The following FER variants were observed in gnomAD, a reference collection of about 807,000 sequenced individuals.
FER encodes tyrosine-protein kinase Fer.
In FER, 63 loss-of-function variants were observed where a neutral mutation model predicts 111.0. That is an observed-to-expected ratio of 0.57 (90% CI 0.46 to 0.70). FER has a LOEUF of 0.70. FER is among the 30% of genes least tolerant of loss of function. The pLI, the probability that FER is intolerant of heterozygous loss-of-function variation, is 0.00. For synonymous variants in FER, 327 were observed against 313.9 expected (o/e 1.04, Z -0.44); for missense variants, 914 against 954.0 (o/e 0.96, Z 0.55).
At chr5:108,797,756 G>A (rs536735930) in intron 2 of FER, among the ~76,000 whole-genome samples, 1 of 152,174 alleles carries the variant, frequency 6.6e-6, no homozygotes, top group Non-Finnish European at 1.5e-5. Context: ...TTTCCTGCTG[G>A]CAGGGGGCAG....
chr5:109,112,626 G>T (rs1222979349), intron 17 of FER, among the ~76,000 whole-genome samples: 3 of 152,080 alleles, frequency 2.0e-5, no homozygotes, highest in African/African-American at 7.2e-5. Context: ...TTACTTGGAA[G>T]AAAAATACTG....
chr5:109,158,246 G>A (rs992581166), intron 17 of FER, among the ~76,000 whole-genome samples: 5 of 151,846 alleles, frequency 3.3e-5, no homozygotes, highest in Admixed American at 2.0e-4. Context: ...AGCCGGGCTT[G>A]GTGGCACATG....
chr5:109,011,555 C>G (rs1255325219), intron 13 of FER, among the ~76,000 whole-genome samples: 1 of 152,152 alleles, frequency 6.6e-6, no homozygotes, highest in African/African-American at 2.4e-5. Flanking sequence ...AATGAGCTAG[C>G]CTCTTTGAGT....
chr5:109,002,358 A>T (rs1409229744), intron 13 of FER, among the ~76,000 whole-genome samples: 20 of 151,534 alleles, frequency 1.3e-4, no homozygotes, highest in Non-Finnish European at 2.8e-4. Context: ...ACCTGAGAAA[A>T]ACAAGCAATG....
At chr5:108,873,733 C>A (rs1274534460) in intron 8 of FER, among the ~76,000 whole-genome samples, 1 of 152,134 alleles carries the variant, frequency 6.6e-6, no homozygotes, top group Non-Finnish European at 1.5e-5. Context: ...GTAGTCCTTG[C>A]CCTGGGTGAT....
At chr5:108,975,116 G>A (rs1187973567) in intron 13 of FER, among the ~76,000 whole-genome samples, 6 of 152,124 alleles carry the variant, frequency 3.9e-5, no homozygotes, top group Non-Finnish European at 8.8e-5. Context: ...CATGGATGAA[G>A]CTGGAAACCA....
At chr5:108,798,473 T>C (rs1756290214) in intron 3 of FER, 84 bp downstream of exon 3, 1 of 1,014,194 alleles carries the variant, frequency 9.9e-7, no homozygotes, top group Non-Finnish European at 1.5e-6. Context: ...TGAATGAGCA[T>C]ACTTAAGTCA....
At position 109,087,018 on chromosome 5, in the gene FER, C is replaced by A. The variant is rs183069365; in HGVS notation, c.1925-13378C>A. ...ACTAGATTAGGGCTTACCCTGGGGA[C>A]TTCATTTTACCTGAATTCTCTCTTT... On this transcript the variant is annotated intron_variant, in intron 16 of 19. Coordinates refer to ENST00000281092, the MANE Select transcript of FER (RefSeq NM_005246.4). Among the ~76,000 whole-genome samples the A allele has an allele frequency of 6.7e-5, 10 of 148,430 alleles. No individual in the cohort carries two copies. In the Admixed American group the frequency reaches 6.8e-4, roughly 10 times the overall value.
At chr5:108,854,946 C>CAAAAAA (rs34850507) in intron 5 of FER, among the ~76,000 whole-genome samples, 1 of 36,644 alleles carries the variant, frequency 2.7e-5, no homozygotes, top group African/African-American at 9.4e-5. Flanking sequence ...GACCCTGTCT[C>CAAAAAA]AAAAAAAAAA....
intron 9 of FER, among the ~76,000 whole-genome samples, chr5:108,887,508 C>T (rs1031207414): frequency 1.1e-4 from 16 of 151,242 alleles, no homozygotes; most frequent in African/African-American, 3.2e-4. Flanking sequence ...ATGTAGCTAT[C>T]GCAGAATTTT....
At chr5:109,054,170 C>T (rs1169179837) in intron 16 of FER, among the ~76,000 whole-genome samples, 2 of 152,118 alleles carry the variant, frequency 1.3e-5, no homozygotes, top group African/African-American at 4.8e-5. Flanking sequence ...ATGAATCGAT[C>T]ATCTGGCATT....
chr5:109,085,884 G>A (rs1277230369), intron 16 of FER, among the ~76,000 whole-genome samples: 1 of 151,648 alleles, frequency 6.6e-6, no homozygotes, highest in Non-Finnish European at 1.5e-5. Context: ...AACATTTACT[G>A]GGATAAAACC....
At chr5:109,166,607 A>G (rs1727621008) in intron 17 of FER, among the ~76,000 whole-genome samples, 1 of 152,206 alleles carries the variant, frequency 6.6e-6, no homozygotes, top group African/African-American at 2.4e-5. Context: ...GTGTCTTAAC[A>G]CACAACTGTT....
chr5:109,123,378 G>A (rs933085945), intron 17 of FER, among the ~76,000 whole-genome samples: 4 of 151,616 alleles, frequency 2.6e-5, no homozygotes, highest in Admixed American at 1.3e-4. Context: ...GGATGGTCTC[G>A]ATCTCCTGGC....
chr5:108,820,093 T>C (rs560016395), intron 3 of FER: 23 of 984,504 alleles, frequency 2.3e-5, no homozygotes, highest in Non-Finnish European at 2.8e-5. Context: ...AAAGAAGAGA[T>C]AAAAATCTCC....
intron 13 of FER, among the ~76,000 whole-genome samples, chr5:108,990,619 G>A (rs190394379): frequency 1.3e-5 from 2 of 151,732 alleles, no homozygotes; most frequent in African/African-American, 4.8e-5. Context: ...TAAATATTTG[G>A]GAAGTATTAA....
At chr5:109,044,640 T>C (rs771769585) in intron 14 of FER, 40 bp from the exon 15 acceptor site, 1 of 1,033,922 alleles carries the variant, frequency 9.7e-7, no homozygotes, top group Admixed American at 2.5e-5. Flanking sequence ...ATATACATGC[T>C]GTCATTTACC....
chr5:109,047,263 T>C (rs1772116682), intron 16 of FER, 65 bp downstream of exon 16: 2 of 912,776 alleles, frequency 2.2e-6, no homozygotes, highest in Non-Finnish European at 3.5e-6. Flanking sequence ...TTTTTATATG[T>C]TCGATCTCTT....
At chr5:108,772,335 C>CATATATATGTATGTATAT (rs1753012194) in intron 2 of FER, among the ~76,000 whole-genome samples, 1 of 151,140 alleles carries the variant, frequency 6.6e-6, no homozygotes, top group African/African-American at 2.4e-5. Context: ...TATATATACA[C>CATATATATGTATGTATAT]ATATATATGT....
Sources: allele counts gnomAD v4.1 joint callset (sites outside exome capture counted in the v4.1 genomes callset), GRCh38; gene constraint gnomAD v4.1.1; transcripts MANE v1.5; gene names NCBI Gene and HGNC (gene_info 2026-07-23, HGNC 2026-07-21).